Variants in IQGAP2 observed in about 807,000 individuals in gnomAD.
IQGAP2 encodes the protein ras GTPase-activating-like protein IQGAP2.
IQGAP2 carries 173 observed loss-of-function variants against 201.3 expected under a neutral mutation model. The ratio of observed to expected loss-of-function variants is 0.86; its 90% CI spans 0.76 to 0.98. The LOEUF (loss-of-function observed/expected upper bound fraction) is 0.98, where lower values mean the gene tolerates loss of function less well. Ranked by LOEUF, IQGAP2 falls within the 50% of genes least tolerant of loss-of-function variation. The pLI is 0.00. For missense variants in IQGAP2, 1,687 were observed against 1,864.8 expected (o/e 0.90, Z 1.76); for synonymous variants, 675 against 673.9 (o/e 1.00, Z -0.03).
intron 13 of IQGAP2, among the ~76,000 whole-genome samples, chr5:76,625,135 A>T (rs566288762): frequency 6.6e-6 from 1 of 152,328 alleles, no homozygotes; most frequent in African/African-American, 2.4e-5. Context: ...AACTCTAGTA[A>T]TCGTTAGTTC....
At chr5:76,533,132 G>A (rs1160743917) in intron 2 of IQGAP2, among the ~76,000 whole-genome samples, 1 of 152,032 alleles carries the variant, frequency 6.6e-6, no homozygotes, top group Non-Finnish European at 1.5e-5. Flanking sequence ...CTTAAGCCTA[G>A]TTCTTAGTTA....
At chr5:76,588,848 A>T in intron 5 of IQGAP2, 58 bp from the exon 6 acceptor site, 1 of 1,017,236 alleles carries the variant, frequency 9.8e-7, no homozygotes, top group Non-Finnish European at 1.5e-6. Flanking sequence ...TATGTAATTT[A>T]TAACATTAAG....
chr5:76,615,148 G>A (rs895166624), intron 13 of IQGAP2, among the ~76,000 whole-genome samples: 5 of 152,174 alleles, frequency 3.3e-5, no homozygotes, highest in African/African-American at 1.2e-4. Context: ...ACAATTGAAG[G>A]TTTTGCTTGT....
chr5:76,519,010 A>G (rs562588182), intron 2 of IQGAP2, among the ~76,000 whole-genome samples: 1 of 152,332 alleles, frequency 6.6e-6, no homozygotes, highest in African/African-American at 2.4e-5. Context: ...CAATGAGTCT[A>G]CCATCCTAAC....
chr5:76,462,790 AGTT>A (rs1200552974), intron 2 of IQGAP2, among the ~76,000 whole-genome samples: 2 of 152,102 alleles, frequency 1.3e-5, no homozygotes, highest in African/African-American at 4.8e-5. Flanking sequence ...GGTTTCTCAG[AGTT>A]GTTTAATATT....
intron 2 of IQGAP2, among the ~76,000 whole-genome samples, chr5:76,537,135 C>T (rs1349546675): frequency 5.3e-5 from 8 of 152,184 alleles, no homozygotes; most frequent in Admixed American, 5.2e-4. Context: ...GCTTACTAAA[C>T]AAAATTCCTT....
intron 5 of IQGAP2, among the ~76,000 whole-genome samples, chr5:76,588,493 C>A (rs1746402852): frequency 6.6e-6 from 1 of 152,170 alleles, no homozygotes; most frequent in Non-Finnish European, 1.5e-5. Context: ...GTATGTGGTA[C>A]TTGGAGGAAT....
intron 16 of IQGAP2, among the ~76,000 whole-genome samples, chr5:76,637,726 G>C (rs547095365): frequency 6.6e-6 from 1 of 152,308 alleles, no homozygotes; most frequent in Middle Eastern, 3.4e-3. Flanking sequence ...GGTCATCTTA[G>C]CATGTTTTCA....
chr5:76,683,289 G>A (rs1484229876), intron 29 of IQGAP2, 72 bp downstream of exon 29: 1 of 964,432 alleles, frequency 1.0e-6, no homozygotes, highest in Non-Finnish European at 1.6e-6. Flanking sequence ...TGGTTCGTTG[G>A]TTTTCCTATC....
intron 32 of IQGAP2, among the ~76,000 whole-genome samples, chr5:76,697,617 C>T (rs1355754794): frequency 1.3e-5 from 2 of 152,076 alleles, no homozygotes; most frequent in Admixed American, 6.6e-5. Flanking sequence ...GCCTGGGTGA[C>T]AGAGCAAGAC....
intron 1 of IQGAP2, among the ~76,000 whole-genome samples, chr5:76,453,196 G>A (rs1753877601): frequency 6.6e-6 from 1 of 152,172 alleles, no homozygotes; most frequent in Admixed American, 6.5e-5. Context: ...TTAAAGGTAT[G>A]AGCCACCGCA....
intron 28 of IQGAP2, 135 bp from the exon 29 acceptor site, chr5:76,682,980 C>CT: frequency 2.0e-6 from 1 of 511,178 alleles, no homozygotes; most frequent in Non-Finnish European, 3.5e-6. Flanking sequence ...ATCTATGTCT[C>CT]TAATTTTTAT....
Position 76,490,358 on chromosome 5 carries a change from A to G in IQGAP2, c.146+28689A>G, listed in dbSNP as rs556374514. Among the ~76,000 whole-genome samples, 10 of 152,338 alleles carry G rather than the reference A, an allele frequency of 6.6e-5. No homozygotes were observed. The South Asian group carries it at 1.9e-3, about 28-fold the overall frequency. ...TTTGAGGGGAGAAGGATAACTTCAT[A>G]TCTGGATTTAATTTCTGAGTTAATA... On this transcript the variant is annotated intron_variant, in intron 2 of 35. Coordinates refer to ENST00000274364, the MANE Select transcript of IQGAP2 (RefSeq NM_006633.5).
chr5:76,633,848 G>A (rs1473174306), intron 15 of IQGAP2, among the ~76,000 whole-genome samples: 1 of 152,002 alleles, frequency 6.6e-6, no homozygotes, highest in African/African-American at 2.4e-5. Flanking sequence ...CATTCATGTA[G>A]CATTAGTCAG....
intron 17 of IQGAP2, among the ~76,000 whole-genome samples, chr5:76,641,380 T>C (rs902720867): frequency 4.6e-5 from 7 of 152,212 alleles, no homozygotes; most frequent in African/African-American, 1.7e-4. Context: ...CAAAGGGATA[T>C]ACCTTGGATC....
intron 17 of IQGAP2, among the ~76,000 whole-genome samples, chr5:76,650,231 C>T (rs1752409685): frequency 6.6e-6 from 1 of 152,324 alleles, no homozygotes; most frequent in South Asian, 2.1e-4. Context: ...ATGTCCAGTT[C>T]ACATCTTTAT....
chr5:76,703,667 A>AG (rs200452849), intron 35 of IQGAP2, among the ~76,000 whole-genome samples: 1,935 of 151,636 alleles, frequency 0.013, 44 homozygotes, highest in African/African-American at 0.044. Context: ...AAAAAAAAAA[A>AG]AGAGAGCACT....
chr5:76,654,508 T>A (rs1176433854), intron 19 of IQGAP2, among the ~76,000 whole-genome samples: 1 of 152,228 alleles, frequency 6.6e-6, no homozygotes, highest in Non-Finnish European at 1.5e-5. Flanking sequence ...GGGAAAACTG[T>A]GGGCTAGTAA....
chr5:76,555,705 T>C (rs1396068138), intron 2 of IQGAP2, among the ~76,000 whole-genome samples: 1 of 152,186 alleles, frequency 6.6e-6, no homozygotes, highest in East Asian at 1.9e-4. Flanking sequence ...TTTTCTTTTT[T>C]TTAACCAACA....
Sources: allele counts gnomAD v4.1 joint callset (sites outside exome capture counted in the v4.1 genomes callset), GRCh38; gene constraint gnomAD v4.1.1; transcripts MANE v1.5; gene names NCBI Gene and HGNC (gene_info 2026-07-23, HGNC 2026-07-21).